BLTP1: variants seen among roughly 807,000 people sequenced by gnomAD.
BLTP1 encodes the protein fragile site-associated protein.
At chr4:122,304,310 C>G in the BLTP1 span, among the ~76,000 whole-genome samples, 1 of 152,170 alleles carries the variant, frequency 6.6e-6, no homozygotes, top group Admixed American at 6.5e-5. Context: ...CTCCCTGGTT[C>G]AAGCTATTCT....
the BLTP1 span, among the ~76,000 whole-genome samples, chr4:122,295,627 A>T: frequency 6.6e-6 from 1 of 152,192 alleles, no homozygotes; most frequent in East Asian, 1.9e-4. Context: ...TAAACCTGAC[A>T]TAGATACGAC....
the BLTP1 span, among the ~76,000 whole-genome samples, chr4:122,275,286 G>C: frequency 6.6e-6 from 1 of 151,962 alleles, no homozygotes; most frequent in Non-Finnish European, 1.5e-5. Context: ...TGCAATTTTG[G>C]GAACTGGAGT....
At chr4:122,152,634 T>C in the BLTP1 span, 2 of 985,560 alleles carry the variant, frequency 2.0e-6, no homozygotes, top group Non-Finnish European at 2.4e-6. Flanking sequence ...AGCCCCTTTT[T>C]CCAGTGTCTC....
At chr4:122,272,903 T>C in the BLTP1 span, among the ~76,000 whole-genome samples, 1 of 152,044 alleles carries the variant, frequency 6.6e-6, no homozygotes, top group African/African-American at 2.4e-5. Flanking sequence ...CAGGAGCCCA[T>C]CAATTTGAAG....
At chr4:122,286,436 TG>T in the BLTP1 span, 1 of 1,532,598 alleles carries the variant, frequency 6.5e-7, no homozygotes, top group Non-Finnish European at 8.8e-7. Flanking sequence ...AAGATAGGTT[TG>T]GGAATATCCA....
chr4:122,170,856 A>G, the BLTP1 span: 1 of 605,098 alleles, frequency 1.7e-6, no homozygotes, highest in East Asian at 3.3e-5. Context: ...CCATTTATTT[A>G]TTTTTAGGAA....
the BLTP1 span, chr4:122,281,794 T>A: frequency 2.0e-6 from 3 of 1,489,434 alleles, no homozygotes; most frequent in East Asian, 7.3e-5. Flanking sequence ...AATTCTGAAT[T>A]CACTCTCTTA....
chr4:122,319,916 G>A, the BLTP1 span, among the ~76,000 whole-genome samples: 4 of 152,068 alleles, frequency 2.6e-5, no homozygotes, highest in Non-Finnish European at 5.9e-5. Context: ...AAAGTTCCAC[G>A]TGAGCTTGAG....
the BLTP1 span, chr4:122,271,858 G>C: frequency 1.2e-5 from 9 of 721,026 alleles, no homozygotes; most frequent in African/African-American, 1.8e-5. Context: ...TCTATCACCA[G>C]GGAAATAAAA....
the BLTP1 span, chr4:122,193,544 T>C: frequency 2.3e-6 from 1 of 435,430 alleles, no homozygotes; most frequent in South Asian, 9.7e-5. Context: ...TAATATATTA[T>C]GAACATTTTT....
the BLTP1 span, among the ~76,000 whole-genome samples, chr4:122,218,839 A>G: frequency 2.0e-5 from 3 of 152,370 alleles, no homozygotes; most frequent in African/African-American, 7.2e-5. Flanking sequence ...TATCTCATCA[A>G]TAACCAAGAT....
At chr4:122,343,363 C>T in the BLTP1 span, 52 of 1,602,686 alleles carry the variant, frequency 3.2e-5, no homozygotes, top group Non-Finnish European at 4.1e-5. Flanking sequence ...ATTGACTGGC[C>T]TTTTTTTCTT....
the BLTP1 span, among the ~76,000 whole-genome samples, chr4:122,317,251 G>C: frequency 6.6e-6 from 1 of 151,940 alleles, no homozygotes; most frequent in Non-Finnish European, 1.5e-5. Context: ...AGAATCGCTT[G>C]AGCCCGGGAG....
chr4:122,323,503 T>C, the BLTP1 span, among the ~76,000 whole-genome samples: 1 of 151,728 alleles, frequency 6.6e-6, no homozygotes, highest in African/African-American at 2.4e-5. Context: ...GAAAAACATA[T>C]TAAATCAGAG....
chr4:122,207,912 T>G, the BLTP1 span: 1 of 984,232 alleles, frequency 1.0e-6, no homozygotes, highest in Non-Finnish European at 1.2e-6. Context: ...ATGTTAGCCC[T>G]TCTAGCTCTA....
chr4:122,234,268 ATTATT>A, the BLTP1 span: 7 of 389,506 alleles, frequency 1.8e-5, no homozygotes, highest in Non-Finnish European at 2.4e-5. Context: ...GGAGTGGTTC[ATTATT>A]TTAATTTTAT....
the BLTP1 span, among the ~76,000 whole-genome samples, chr4:122,303,039 T>TAGCC: frequency 6.6e-6 from 1 of 152,194 alleles, no homozygotes; most frequent in African/African-American, 2.4e-5. Context: ...TTTTTCCATG[T>TAGCC]AGCCTTCTAT....
chr4:122,281,229 T>C, the BLTP1 span: 6 of 826,842 alleles, frequency 7.3e-6, no homozygotes, highest in Admixed American at 3.7e-4. Context: ...CGTGTAATAG[T>C]TAAGTGATAG....
At chr4:122,351,833 G>A in the BLTP1 span, among the ~76,000 whole-genome samples, 1 of 152,084 alleles carries the variant, frequency 6.6e-6, no homozygotes, top group African/African-American at 2.4e-5. Context: ...AAAGGCTTAG[G>A]GAATTGTTTA....
Sources: allele counts gnomAD v4.1 joint callset (sites outside exome capture counted in the v4.1 genomes callset), GRCh38; gene constraint gnomAD v4.1.1; transcripts MANE v1.5; gene names NCBI Gene and HGNC (gene_info 2026-07-23, HGNC 2026-07-21).